The following FARP1 variants were observed in gnomAD, a reference collection of about 807,000 sequenced individuals.
FARP1 encodes the protein FERM, ARH/RhoGEF and pleckstrin domain protein 1.
FARP1 carries 52 observed loss-of-function variants against 128.8 expected under a neutral mutation model. The observed-to-expected ratio is 0.40, with a 90% CI of 0.32 to 0.51. FARP1 has a LOEUF of 0.51. Ranked by LOEUF, FARP1 falls within the 20% of genes least tolerant of loss-of-function variation. The pLI is 0.45. For synonymous variants in FARP1, 580 were observed against 551.8 expected (o/e 1.05, Z -0.72); for missense variants, 1,333 against 1,367.9 (o/e 0.97, Z 0.40).
intron 1 of FARP1, among the ~76,000 whole-genome samples, chr13:98,194,599 G>T (rs1879455709): frequency 6.6e-6 from 1 of 152,174 alleles, no homozygotes; most frequent in Non-Finnish European, 1.5e-5. Context: ...CCCACGGTGG[G>T]AAAATAACAA....
chr13:98,443,575 G>T (rs1193092862), intron 24 of FARP1, among the ~76,000 whole-genome samples: 1 of 152,220 alleles, frequency 6.6e-6, no homozygotes, highest in African/African-American at 2.4e-5. Flanking sequence ...ACTCCCGTCT[G>T]ACTCGTGTAG....
chr13:98,159,108 A>C (rs1417300371), intron 1 of FARP1, among the ~76,000 whole-genome samples: 1 of 152,196 alleles, frequency 6.6e-6, no homozygotes, highest in Non-Finnish European at 1.5e-5. Context: ...AGCATGGCAA[A>C]GTGCATGTAG....
chr13:98,213,681 A>G (rs1352872612), intron 2 of FARP1, among the ~76,000 whole-genome samples: 8 of 152,062 alleles, frequency 5.3e-5, no homozygotes, highest in Admixed American at 4.6e-4. Context: ...AAATATATAT[A>G]TGTAATCTAA....
intron 1 of FARP1, among the ~76,000 whole-genome samples, chr13:98,153,330 A>ATATAAAATATATAAATAATATATATT (rs71120310): frequency 1.5e-5 from 2 of 130,200 alleles, no homozygotes; most frequent in East Asian, 2.1e-4. Flanking sequence ...TAAATAATAT[A>ATATAAAATATATAAATAATATATATT]ATATATAAAA....
At chr13:98,406,331 C>T (rs1308754604) in intron 13 of FARP1, 2 of 152,168 alleles carry the variant, frequency 1.3e-5, no homozygotes, top group South Asian at 2.1e-4. Flanking sequence ...GAGAAGGGGC[C>T]TCTTCTCCAC....
chr13:98,431,004 T>A, intron 17 of FARP1, 39 bp from the exon 18 acceptor site: 1 of 1,377,812 alleles, frequency 7.3e-7, no homozygotes, highest in Non-Finnish European at 1.0e-6. Context: ...TGCATCCCAT[T>A]CAGCTGAACA....
chr13:98,169,260 C>T (rs1877489110), intron 1 of FARP1, among the ~76,000 whole-genome samples: 1 of 152,212 alleles, frequency 6.6e-6, no homozygotes, highest in African/African-American at 2.4e-5. Context: ...GCGTAGTTCA[C>T]AACCATCATT....
intron 1 of FARP1, chr13:98,177,102 C>G: frequency 6.2e-7 from 1 of 1,600,602 alleles, no homozygotes; most frequent in Non-Finnish European, 8.5e-7. Flanking sequence ...TGCTGCTGCT[C>G]TCTCCGTGCT....
chr13:98,282,631 G>A (rs558355540), intron 2 of FARP1, among the ~76,000 whole-genome samples: 62 of 152,150 alleles, frequency 4.1e-4, no homozygotes, highest in Non-Finnish European at 5.7e-4. Context: ...TGGGCCAGGC[G>A]CCGTGGCTCA....
At chr13:98,321,514 G>C (rs1886991242) in intron 2 of FARP1, among the ~76,000 whole-genome samples, 1 of 151,968 alleles carries the variant, frequency 6.6e-6, no homozygotes, top group Admixed American at 6.5e-5. Flanking sequence ...TTAAGTGACA[G>C]ATAGACTGCT....
intron 2 of FARP1, among the ~76,000 whole-genome samples, chr13:98,342,956 G>A (rs894274434): frequency 6.6e-6 from 1 of 152,010 alleles, no homozygotes; most frequent in Non-Finnish European, 1.5e-5. Context: ...CCCGGGAGGT[G>A]GAGGTTGCAG....
In FARP1 at chr13:98,431,107, G is replaced by A; in HGVS notation, c.1970G>A (p.Ser657Asn). The A allele has an allele frequency of 1.2e-6, 2 of 1,614,174 alleles. No individual in the cohort carries two copies. Among genetic ancestry groups the A allele is most frequent in the Non-Finnish European group, 1.7e-6 (2 of 1,180,028 alleles). ...ALEALENGIK[S>N]SRRLENFCRD... ...GAGGCCCTGGAGAATGGAATCAAGA[G>A]CTCCCGGCGGCTGGAGAACTTCTGC... Residue 657 changes from serine to asparagine, a missense_variant, in exon 18 of 27, where the codon AGC becomes AAC. By Grantham distance (46) the Ser-to-Asn change is conservative. Around this residue, in one of 2 missense-constraint regions of FARP1, gnomAD observed 1,009 missense variants for 969.8 expected, o/e 1.04. Coordinates refer to ENST00000319562, the MANE Select transcript of FARP1 (RefSeq NM_005766.4).
chr13:98,443,173 C>A (rs368926266), intron 24 of FARP1, among the ~76,000 whole-genome samples: 6 of 152,232 alleles, frequency 3.9e-5, no homozygotes, highest in Non-Finnish European at 7.3e-5. Context: ...TACATAATGT[C>A]TTCAGTTTTG....
At chr13:98,408,993 CTG>C (rs1891084636) in intron 13 of FARP1, among the ~76,000 whole-genome samples, 1 of 152,198 alleles carries the variant, frequency 6.6e-6, no homozygotes, top group South Asian at 2.1e-4. Context: ...GACATAGACA[CTG>C]TGTCTTTCTT....
chr13:98,181,317 A>G (rs537485939), intron 1 of FARP1, among the ~76,000 whole-genome samples: 39 of 152,312 alleles, frequency 2.6e-4, no homozygotes, highest in Non-Finnish European at 2.9e-4. Flanking sequence ...CAAATGACCT[A>G]ACTGCCCTGG....
intron 2 of FARP1, among the ~76,000 whole-genome samples, chr13:98,270,480 A>C (rs1284707430): frequency 6.6e-6 from 1 of 152,194 alleles, no homozygotes; most frequent in Non-Finnish European, 1.5e-5. Flanking sequence ...TTCATGACTT[A>C]CAATGCCTCA....
intron 1 of FARP1, among the ~76,000 whole-genome samples, chr13:98,181,632 ATTTATTTATTT>A (rs1384048801): frequency 3.0e-3 from 291 of 96,008 alleles, no homozygotes; most frequent in African/African-American, 5.8e-3. Context: ...TTATTTATTT[ATTTATTTATTT>A]GAGAGAGAGA....
At chr13:98,408,012 G>A (rs540606470) in intron 13 of FARP1, among the ~76,000 whole-genome samples, 134 of 152,324 alleles carry the variant, frequency 8.8e-4, no homozygotes, top group Non-Finnish European at 1.6e-3. Flanking sequence ...GATCTTCAGC[G>A]TACCAAGTAG....
At chr13:98,352,888 A>C (rs968920281) in intron 3 of FARP1, among the ~76,000 whole-genome samples, 4 of 152,186 alleles carry the variant, frequency 2.6e-5, no homozygotes, top group Non-Finnish European at 5.9e-5. Context: ...GCTATAGATT[A>C]AACAATATAA....
Sources: allele counts gnomAD v4.1 joint callset (sites outside exome capture counted in the v4.1 genomes callset), GRCh38; gene constraint gnomAD v4.1.1; regional missense constraint gnomAD v4.1.1; transcripts MANE v1.5; gene names NCBI Gene and HGNC (gene_info 2026-07-23, HGNC 2026-07-21).